Variants in CARMIL1 observed in about 807,000 individuals in gnomAD.
The protein encoded by CARMIL1 is capping protein regulator and myosin 1 linker 1.
In CARMIL1, 90 loss-of-function variants were observed where a neutral mutation model predicts 177.1. The observed-to-expected ratio is 0.51, with a 90% CI of 0.43 to 0.61. CARMIL1 has a LOEUF of 0.61. Ranked by LOEUF, CARMIL1 falls within the 20% of genes least tolerant of loss-of-function variation. The probability of loss-of-function intolerance (pLI) is 0.00; values close to 1 mark genes in which losing one functional copy is unlikely to be tolerated. For synonymous variants in CARMIL1, 577 were observed against 606.2 expected, an observed-to-expected ratio of 0.95 and a Z score of 0.71; for missense variants, 1,380 against 1,667.0, an observed-to-expected ratio of 0.83 and a Z score of 3.00.
chr6:25,288,478 GTTTTTTTTT>G (rs370669890), intron 2 of CARMIL1, among the ~76,000 whole-genome samples: 5 of 133,512 alleles, frequency 3.7e-5, no homozygotes, highest in Admixed American at 7.5e-5. Flanking sequence ...TAAGAATCAG[GTTTTTTTTT>G]TTTTTTTTTC....
At chr6:25,544,643 A>C (rs1029527484) in intron 26 of CARMIL1, among the ~76,000 whole-genome samples, 13 of 138,960 alleles carry the variant, frequency 9.4e-5, no homozygotes, top group African/African-American at 2.7e-4. Context: ...ACACACACAC[A>C]CACCCCAAAC....
At chr6:25,288,955 A>C (rs1397584070) in intron 2 of CARMIL1, among the ~76,000 whole-genome samples, 1 of 152,144 alleles carries the variant, frequency 6.6e-6, no homozygotes, top group Non-Finnish European at 1.5e-5. Flanking sequence ...CCATTAATAC[A>C]GCCCTGTGCA....
intron 2 of CARMIL1, among the ~76,000 whole-genome samples, chr6:25,348,582 G>T (rs957740390): frequency 4.0e-5 from 6 of 150,828 alleles, no homozygotes; most frequent in African/African-American, 9.7e-5. Context: ...AGGAGATCCA[G>T]ACCATCCTGG....
In CARMIL1 at chr6:25,451,822, G is replaced by A. The variant is rs1344915048; in HGVS notation, c.614+1111G>A. On this transcript the variant is annotated intron_variant, in intron 8 of 36. Transcript: ENST00000329474. Reference sequence around the variant, plus strand: ...TTAATAAATTAGTAGCAGGTAGGCAGGGGTCAGCCCTACTTAATAAACTCC... The same window carrying A: ...TTAATAAATTAGTAGCAGGTAGGCAAGGGTCAGCCCTACTTAATAAACTCC... Among the ~76,000 whole-genome samples the A allele has an allele frequency of 2.0e-5, 3 of 152,220 alleles. No individual in the cohort carries two copies. In the East Asian group the frequency reaches 5.8e-4, roughly 29 times the overall value.
At chr6:25,512,251 A>G (rs1805526407) in intron 20 of CARMIL1, among the ~76,000 whole-genome samples, 1 of 152,176 alleles carries the variant, frequency 6.6e-6, no homozygotes, top group Non-Finnish European at 1.5e-5. Flanking sequence ...ATAATTCTGG[A>G]AGTCTGTTAC....
chr6:25,402,536 A>G (rs1793978281), intron 2 of CARMIL1, among the ~76,000 whole-genome samples: 1 of 152,230 alleles, frequency 6.6e-6, no homozygotes, highest in South Asian at 2.1e-4. Context: ...TACTTACTTT[A>G]TAATTCAATT....
intron 2 of CARMIL1, among the ~76,000 whole-genome samples, chr6:25,381,324 C>A (rs1022944354): frequency 1.5e-4 from 23 of 152,178 alleles, no homozygotes; most frequent in African/African-American, 3.4e-4. Flanking sequence ...TTGGGTGGGT[C>A]TGTGATCTGT....
intron 26 of CARMIL1, among the ~76,000 whole-genome samples, chr6:25,547,717 T>C (rs908105162): frequency 4.6e-5 from 7 of 152,204 alleles, no homozygotes; most frequent in Admixed American, 3.9e-4. Flanking sequence ...AGTTCCAGAA[T>C]TCTATTAAAA....
rs192637992 is a variant in CARMIL1, at chr6:25,515,023, T to C, written c.1633-652T>C. On this transcript the variant is annotated intron_variant, in intron 20 of 36. Coordinates refer to ENST00000329474, the MANE Select transcript of CARMIL1 (RefSeq NM_017640.6). This position sits in a 1 kb window ranked among gnomAD's most constrained non-coding sequence, Gnocchi z 5.0. ...GTGGTATAGGGTTAGGAGCATGAAA[T>C]CTGGAACCAGTACATCTGGGTTTGA... 3.9e-5 allele frequency among the ~76,000 whole-genome samples: 6 copies of C among 152,280 alleles called. No individual in the cohort carries two copies. The East Asian group carries it at 1.2e-3, about 29-fold the overall frequency.
At chr6:25,344,147 C>G (rs60384851) in intron 2 of CARMIL1, among the ~76,000 whole-genome samples, 10,600 of 152,196 alleles carry the variant, frequency 0.07, 869 homozygotes, top group African/African-American at 0.19. Flanking sequence ...TCACCGGTGA[C>G]TTCAGTGCCT....
chr6:25,413,288 G>C (rs1795082554), intron 2 of CARMIL1, among the ~76,000 whole-genome samples: 1 of 152,212 alleles, frequency 6.6e-6, no homozygotes, highest in Admixed American at 6.5e-5. Context: ...CTTCAAGGGT[G>C]TAAGACCATT....
intron 4 of CARMIL1, among the ~76,000 whole-genome samples, chr6:25,433,544 G>T (rs1796989165): frequency 6.6e-6 from 1 of 152,322 alleles, no homozygotes; most frequent in South Asian, 2.1e-4. Context: ...CTACTGGGTT[G>T]TTTAGCCTCC....
chr6:25,501,041 C>T (rs573356611), intron 17 of CARMIL1, among the ~76,000 whole-genome samples: 5 of 152,214 alleles, frequency 3.3e-5, no homozygotes, highest in East Asian at 3.9e-4. Context: ...GAATTACAGA[C>T]GTGAGCCACT....
At chr6:25,581,511 G>A in intron 31 of CARMIL1, 72 bp downstream of exon 31, 1 of 1,375,344 alleles carries the variant, frequency 7.3e-7, no homozygotes, top group Non-Finnish European at 9.8e-7. Flanking sequence ...GGAGGGTCTT[G>A]CTAAAGTGCT....
intron 28 of CARMIL1, among the ~76,000 whole-genome samples, chr6:25,556,250 C>G (rs1235211329): frequency 6.6e-6 from 1 of 152,074 alleles, no homozygotes; most frequent in African/African-American, 2.4e-5. Context: ...AAGTATAACA[C>G]TGGAAATTAA....
chr6:25,619,642 C>T lies in CARMIL1; in HGVS notation c.*59C>T. On this transcript the variant is annotated 3_prime_UTR_variant, in exon 37 of 37. Coordinates refer to ENST00000329474, the MANE Select transcript of CARMIL1 (RefSeq NM_017640.6). ...TGCTTTGGTAGCCATCAGAGAGGAA[C>T]CAAGGGCAACATCTTTTCTTCCCAG... 1 of 1,513,440 alleles carries T rather than the reference C, an allele frequency of 6.6e-7. No individual in the cohort carries two copies. Among genetic ancestry groups the T allele is most frequent in the Non-Finnish European group, 8.9e-7 (1 of 1,129,750 alleles). The allele number at this position is 1,513,440 out of a possible 1,614,324, so 93.8% of individuals were successfully genotyped here.
At chr6:25,327,099 A>G (rs1225297899) in intron 2 of CARMIL1, among the ~76,000 whole-genome samples, 3 of 152,196 alleles carry the variant, frequency 2.0e-5, no homozygotes, top group Non-Finnish European at 2.9e-5. Flanking sequence ...GTTTCCAGAA[A>G]GGAATTTGGG....
intron 31 of CARMIL1, among the ~76,000 whole-genome samples, chr6:25,588,459 A>G (rs1487559109): frequency 6.6e-6 from 1 of 152,168 alleles, no homozygotes; most frequent in African/African-American, 2.4e-5. Flanking sequence ...GATGACATAA[A>G]GCATGAAGGT....
chr6:25,584,026 C>CTTTTTTTTT (rs71544648), intron 31 of CARMIL1, among the ~76,000 whole-genome samples: 2 of 119,140 alleles, frequency 1.7e-5, no homozygotes, highest in East Asian at 2.5e-4. Context: ...TTTTCTTTTT[C>CTTTTTTTTT]TTTTTTTTTT....
Sources: allele counts gnomAD v4.1 joint callset (sites outside exome capture counted in the v4.1 genomes callset), GRCh38; gene constraint gnomAD v4.1.1; non-coding constraint Gnocchi (gnomAD v3.1); transcripts MANE v1.5; gene names NCBI Gene and HGNC (gene_info 2026-07-23, HGNC 2026-07-21).